The following SIM2 variants were observed in gnomAD, a reference collection of about 807,000 sequenced individuals.
SIM2 encodes single-minded homolog 2.
SIM2 carries 28 observed loss-of-function variants against 64.8 expected under a neutral mutation model. The ratio of observed to expected loss-of-function variants is 0.43; its 90% CI spans 0.32 to 0.59. SIM2 has a LOEUF of 0.59. Among genes scored for constraint, SIM2 ranks in the 20% least tolerant of loss-of-function variants. The probability of loss-of-function intolerance (pLI) is 0.07; values close to 1 mark genes in which losing one functional copy is unlikely to be tolerated. For synonymous variants in SIM2, 408 were observed against 391.1 expected (o/e 1.04, Z -0.51); for missense variants, 847 against 871.4 (o/e 0.97, Z 0.35).
At chr21:36,736,835 CTT>C (rs2089060752) in intron 7 of SIM2, among the ~76,000 whole-genome samples, 1 of 110,594 alleles carries the variant, frequency 9.0e-6, no homozygotes, top group Admixed American at 9.5e-5. Flanking sequence ...TTTCTTCTTT[CTT>C]TCTCTTTCTT....
intron 1 of SIM2, among the ~76,000 whole-genome samples, chr21:36,706,596 T>C (rs1455103503): frequency 1.3e-5 from 2 of 152,268 alleles, no homozygotes; most frequent in Non-Finnish European, 2.9e-5. Flanking sequence ...CACTTTACAG[T>C]ATCAAGACAA....
At chr21:36,731,738 G>A (rs767224453) in intron 7 of SIM2, among the ~76,000 whole-genome samples, 12 of 152,192 alleles carry the variant, frequency 7.9e-5, no homozygotes, top group South Asian at 2.1e-4. Flanking sequence ...TCCACGATGG[G>A]AGAGGTCATC....
chr21:36,748,256 C>A lies in SIM2; in HGVS notation c.*164C>A, dbSNP rs940197083. The A allele has an allele frequency of 9.2e-6, 3 of 326,778 alleles. No individual in the cohort carries two copies. The highest frequency in any genetic ancestry group is 1.4e-5 in the Non-Finnish European group (3 of 213,150). The allele number at this position is 326,778 out of a possible 1,614,324, so 20.2% of individuals were successfully genotyped here. ...TTTCCACCGCGGAGGCCCCGCGCGC[C>A]GGTGCCGAGGGCCGAGGAGCGCCCG... On this transcript the variant is annotated 3_prime_UTR_variant, in exon 11 of 11. Coordinates refer to ENST00000290399, the MANE Select transcript of SIM2 (RefSeq NM_005069.6).
At chr21:36,702,667 C>T (rs2088518648) in intron 1 of SIM2, among the ~76,000 whole-genome samples, 2 of 152,162 alleles carry the variant, frequency 1.3e-5, no homozygotes, top group African/African-American at 2.4e-5. Context: ...ATTGATTTAA[C>T]CTCTTCTCAG....
At chr21:36,709,142 C>T (rs2088633987) in intron 1 of SIM2, 26 bp from the exon 2 acceptor site, 1 of 1,595,344 alleles carries the variant, frequency 6.3e-7, no homozygotes, top group Non-Finnish European at 8.5e-7. Flanking sequence ...CTGCAGTTTA[C>T]CGATTTGCTT....
chr21:36,718,050 G>A (rs1601693896), intron 3 of SIM2, among the ~76,000 whole-genome samples: 1 of 152,116 alleles, frequency 6.6e-6, no homozygotes, highest in East Asian at 1.9e-4. Context: ...CCTCTAATAG[G>A]ATTCTCTCTG....
intron 10 of SIM2, among the ~76,000 whole-genome samples, chr21:36,746,862 G>C (rs1250561039): frequency 6.6e-6 from 1 of 152,134 alleles, no homozygotes; most frequent in Non-Finnish European, 1.5e-5. Context: ...GCTGTCACAT[G>C]GTATTTGACT....
intron 7 of SIM2, among the ~76,000 whole-genome samples, chr21:36,731,821 G>A (rs1019284423): frequency 5.9e-5 from 9 of 152,230 alleles, no homozygotes; most frequent in East Asian, 3.9e-4. Flanking sequence ...ATATAGAGGC[G>A]GATGCTCTAG....
intron 7 of SIM2, among the ~76,000 whole-genome samples, chr21:36,737,821 C>T (rs1171622504): frequency 3.3e-5 from 5 of 151,546 alleles, no homozygotes; most frequent in Admixed American, 6.6e-5. Context: ...CTTAGCCGGG[C>T]GTGGTGGCAT....
At chr21:36,740,007 GAGAGAAAGAAAGAAAGAA>G (rs1325860895) in intron 7 of SIM2, among the ~76,000 whole-genome samples, 68 of 105,130 alleles carry the variant, frequency 6.5e-4, no homozygotes, top group Non-Finnish European at 1.2e-3. Flanking sequence ...AAGAAAGAAA[GAGAGAAAGAAAGAAAGAA>G]AGAAAGAAAG....
chr21:36,703,228 C>A (rs1347908426), intron 1 of SIM2, among the ~76,000 whole-genome samples: 1 of 152,258 alleles, frequency 6.6e-6, no homozygotes, highest in East Asian at 1.9e-4. Context: ...AGAGGGAGAC[C>A]ACCAGAACCA....
intron 1 of SIM2, among the ~76,000 whole-genome samples, chr21:36,702,862 T>C (rs1016740985): frequency 2.0e-5 from 3 of 146,932 alleles, no homozygotes; most frequent in Middle Eastern, 3.5e-3. Flanking sequence ...GGAATTGATC[T>C]GCCAAGGGCG....
At chr21:36,720,597 T>C (rs969582387) in intron 4 of SIM2, 3 of 152,260 alleles carry the variant, frequency 2.0e-5, no homozygotes, top group African/African-American at 7.2e-5. Flanking sequence ...ATCACTGTGT[T>C]GAAATATTTT....
intron 10 of SIM2, among the ~76,000 whole-genome samples, chr21:36,746,483 G>A (rs1244689417): frequency 6.6e-6 from 1 of 152,124 alleles, no homozygotes; most frequent in Non-Finnish European, 1.5e-5. Flanking sequence ...GGAATCTCTT[G>A]CTCTGTATTG....
rs2088798196 is a variant in SIM2, at chr21:36,719,809, C to G, written c.349-12C>G. ...AGGCGGTGGCATTTCTGACCCTTCC[C>G]TTCCACGGCAGGTGGAGCTCACGGG... On this transcript the variant is annotated splice_polypyrimidine_tract_variant and intron_variant, in intron 3 of 10. Transcript: ENST00000290399. The G allele has an allele frequency of 6.4e-7, 1 of 1,566,276 alleles. No individual in the cohort carries two copies. Among genetic ancestry groups the G allele is most frequent in the African/African-American group, 1.4e-5 (1 of 73,804 alleles).
intron 1 of SIM2, among the ~76,000 whole-genome samples, chr21:36,705,808 A>G (rs929882048): frequency 6.6e-5 from 10 of 152,084 alleles, no homozygotes; most frequent in African/African-American, 2.4e-4. Context: ...TTTGATATTC[A>G]CAAGAACCCT....
intron 8 of SIM2, 89 bp downstream of exon 8, chr21:36,741,953 CTCTT>C: frequency 7.9e-7 from 1 of 1,273,372 alleles, no homozygotes; most frequent in African/African-American, 1.5e-5. Flanking sequence ...CTCTCTTTCT[CTCTT>C]TCTCAAACTG....
At chr21:36,744,639 G>A in intron 9 of SIM2, 89 bp from the exon 10 acceptor site, 1 of 1,457,386 alleles carries the variant, frequency 6.9e-7, no homozygotes, top group Non-Finnish European at 9.1e-7. Flanking sequence ...GGATGGGGTT[G>A]GGCCCCGTCG....
At chr21:36,732,044 G>A (rs2123476080) in intron 7 of SIM2, among the ~76,000 whole-genome samples, 1 of 152,198 alleles carries the variant, frequency 6.6e-6, no homozygotes, top group African/African-American at 2.4e-5. Flanking sequence ...CACCACGCCT[G>A]GCTAATCTTT....
Sources: allele counts gnomAD v4.1 joint callset (sites outside exome capture counted in the v4.1 genomes callset), GRCh38; gene constraint gnomAD v4.1.1; transcripts MANE v1.5; gene names NCBI Gene and HGNC (gene_info 2026-07-23, HGNC 2026-07-21).